The following SNRPN variants were observed in gnomAD, a reference collection of about 807,000 sequenced individuals.
SNRPN encodes the protein small nuclear ribonucleoprotein polypeptide N.
Under a neutral mutation model 25.2 loss-of-function variants are expected in SNRPN, and 7 were observed. The observed-to-expected ratio is 0.28, with a 90% CI of 0.16 to 0.52. The LOEUF (loss-of-function observed/expected upper bound fraction) is 0.52, where lower values mean the gene tolerates loss of function less well. Ranked by LOEUF, SNRPN falls within the 20% of genes least tolerant of loss-of-function variation. The pLI is 0.96. For missense variants in SNRPN, 196 were observed against 322.5 expected, an observed-to-expected ratio of 0.61 and a Z score of 3.00; for synonymous variants, 124 against 110.6, an observed-to-expected ratio of 1.12 and a Z score of -0.76.
intron 1 of SNRPN, among the ~76,000 whole-genome samples, chr15:24,955,988 C>T (rs1337728529): frequency 1.3e-5 from 2 of 151,914 alleles, no homozygotes; most frequent in East Asian, 1.9e-4. Flanking sequence ...CTGTGACCTG[C>T]GATGGTCATC....
intron 2 of SNRPN, among the ~76,000 whole-genome samples, chr15:24,905,439 G>A (rs992509414): frequency 6.6e-6 from 1 of 151,464 alleles, no homozygotes; most frequent in Admixed American, 6.6e-5. Context: ...AACCCGGGAG[G>A]CGGAGGTGGC....
chr15:24,921,968 G>A (rs1222694397), intron 3 of SNRPN, among the ~76,000 whole-genome samples: 1 of 150,202 alleles, frequency 6.7e-6, no homozygotes, highest in African/African-American at 2.5e-5. Context: ...GGAGGCCAAG[G>A]CAAGTGGACC....
Position 24,921,376 on chromosome 15 carries a change from G to C in SNRPN, c.-391+1252G>C, listed in dbSNP as rs148473029. 3 of 152,296 alleles carry C rather than the reference G, an allele frequency of 2.0e-5. No homozygotes were observed. In the East Asian group the frequency reaches 5.8e-4, roughly 29 times the overall value. 9.4% of individuals were successfully genotyped at this position (152,296 alleles called of 1,614,324 possible). The stretch of plus-strand genomic sequence containing the variant: ...GTCCCTCTCAGAAACTGTTCCTGCA[G>C]AGTAGCCCTGGAAACATGTTTGTCT... On this transcript the variant is annotated intron_variant, in intron 3 of 11. Coordinates refer to the SNRPN transcript ENST00000400097.
chr15:24,847,587 C>T (rs59942874), intron 2 of SNRPN, among the ~76,000 whole-genome samples: 2,465 of 152,092 alleles, frequency 0.016, 53 homozygotes, highest in African/African-American at 0.048. Flanking sequence ...TGTAGTGAGC[C>T]GAGATCGCGC....
chr15:24,831,396 C>T (rs1450038694), intron 2 of SNRPN, among the ~76,000 whole-genome samples: 1 of 151,994 alleles, frequency 6.6e-6, no homozygotes, highest in African/African-American at 2.4e-5. Flanking sequence ...CATCTTCAAA[C>T]ATGATGTTTG....
At chr15:24,967,858 A>G in intron 2 of SNRPN, 74 bp from the exon 3 acceptor site, 2 of 1,068,294 alleles carry the variant, frequency 1.9e-6, no homozygotes, top group South Asian at 1.3e-5. Context: ...AAGGGTACCT[A>G]GTTTTCTTTC....
chr15:24,955,604 G>T (rs1234267749), intron 1 of SNRPN, among the ~76,000 whole-genome samples: 3 of 143,972 alleles, frequency 2.1e-5, no homozygotes, highest in African/African-American at 5.1e-5. Context: ...TGGGGCGACT[G>T]GGGGGGGAAT....
intron 3 of SNRPN, among the ~76,000 whole-genome samples, chr15:24,939,964 A>AT (rs1566934600): frequency 1.3e-5 from 2 of 151,652 alleles, no homozygotes; most frequent in African/African-American, 4.8e-5. Context: ...TAATTTTTGT[A>AT]TTTTTATTAG....
intron 2 of SNRPN, among the ~76,000 whole-genome samples, chr15:24,843,788 A>AACACACACACACACACACACACAC (rs56693061): frequency 2.1e-5 from 3 of 139,906 alleles, no homozygotes; most frequent in African/African-American, 5.4e-5. Flanking sequence ...CTCCATCACA[A>AACACACACACACACACACACACAC]ACACACACAC....
intron 1 of SNRPN, among the ~76,000 whole-genome samples, chr15:24,860,236 A>T (rs903188038): frequency 4.6e-5 from 7 of 152,172 alleles, no homozygotes; most frequent in African/African-American, 1.7e-4. Flanking sequence ...GAATAATCAA[A>T]TTTTTAAAAT....
intron 1 of SNRPN, among the ~76,000 whole-genome samples, chr15:24,825,633 A>G (rs558303856): frequency 6.6e-6 from 1 of 152,216 alleles, no homozygotes; most frequent in Non-Finnish European, 1.5e-5. Flanking sequence ...TAACATGCCT[A>G]CCTTACTGAA....
At chr15:24,971,586 C>G (rs977306837) in intron 3 of SNRPN, among the ~76,000 whole-genome samples, 1 of 151,790 alleles carries the variant, frequency 6.6e-6, no homozygotes, top group Non-Finnish European at 1.5e-5. Flanking sequence ...TTCTCTAGGT[C>G]TTCAGTTCTT....
At chr15:24,839,447 A>C (rs74005369) in intron 2 of SNRPN, among the ~76,000 whole-genome samples, 4,235 of 152,110 alleles carry the variant, frequency 0.028, 213 homozygotes, top group African/African-American at 0.096. Flanking sequence ...CCAAGTAGCA[A>C]GCTGTTTTGA....
chr15:24,916,041 G>A (rs1323786384), intron 2 of SNRPN, among the ~76,000 whole-genome samples: 2 of 138,212 alleles, frequency 1.4e-5, no homozygotes, highest in Admixed American at 8.0e-5. Flanking sequence ...GCACAATCTC[G>A]GCTCACTGTA....
intron 2 of SNRPN, among the ~76,000 whole-genome samples, chr15:24,845,482 C>T (rs1323663289): frequency 1.3e-5 from 2 of 152,032 alleles, no homozygotes; most frequent in South Asian, 2.1e-4. Flanking sequence ...CCTGTAATCC[C>T]AGCTACTCGG....
At chr15:24,859,942 T>C (rs1251222686) in intron 1 of SNRPN, among the ~76,000 whole-genome samples, 1 of 152,204 alleles carries the variant, frequency 6.6e-6, no homozygotes, top group African/African-American at 2.4e-5. Flanking sequence ...TGGTGGATTT[T>C]AGCCGGCCTC....
upstream of SNRPN, among the ~76,000 whole-genome samples, chr15:24,950,410 C>T (rs1255133566): frequency 2.0e-5 from 3 of 151,858 alleles, no homozygotes; most frequent in Non-Finnish European, 2.9e-5. Flanking sequence ...CTCCTGACCT[C>T]GTGATCAGCC....
intron 3 of SNRPN, among the ~76,000 whole-genome samples, chr15:24,935,271 C>CAAAAAAAA (rs2061149535): frequency 6.9e-6 from 1 of 144,906 alleles, no homozygotes; most frequent in African/African-American, 2.8e-5. Flanking sequence ...GACTTTGTCT[C>CAAAAAAAA]CAAAAAAAAA....
chr15:24,867,517 G>T (rs1006924277), intron 1 of SNRPN, among the ~76,000 whole-genome samples: 1 of 151,954 alleles, frequency 6.6e-6, no homozygotes, highest in Non-Finnish European at 1.5e-5. Flanking sequence ...TGGGACTACA[G>T]GCGCCCGCCA....
Sources: gnomAD v4.1 joint callset for allele counts (sites outside exome capture counted in the v4.1 genomes callset) on GRCh38, gnomAD v4.1.1 for gene constraint, MANE v1.5 for transcripts, NCBI Gene and HGNC (gene_info 2026-07-23, HGNC 2026-07-21) for gene names.